NAV3: variants seen among roughly 807,000 people sequenced by gnomAD.
NAV3 encodes neuron navigator 3.
NAV3 carries 87 observed loss-of-function variants against 244.7 expected under a neutral mutation model. That is an observed-to-expected ratio of 0.36 (90% CI 0.30 to 0.42). The LOEUF is 0.42. Ranked by LOEUF, NAV3 falls within the 20% of genes least tolerant of loss-of-function variation. NAV3 has a pLI of 1.00. For synonymous variants in NAV3, 1,126 were observed against 1,042.2 expected (o/e 1.08, Z -1.55); for missense variants, 2,663 against 2,893.3 (o/e 0.92, Z 1.83).
At chr12:78,089,133 C>G (rs1490995457) in intron 12 of NAV3, among the ~76,000 whole-genome samples, 1 of 152,098 alleles carries the variant, frequency 6.6e-6, no homozygotes, top group African/African-American at 2.4e-5. Context: ...TAGTCAATCA[C>G]TTTACCATTT....
At position 77,968,651 on chromosome 12, in the gene NAV3, C is replaced by T. The variant is rs775001284; in HGVS notation, c.620C>T (p.Ser207Phe). 2.5e-5 allele frequency: 41 copies of T among 1,613,998 alleles called. No individual in the cohort carries two copies. Among genetic ancestry groups the T allele is most frequent in the Admixed American group, 1.3e-4 (8 of 60,006 alleles). The change falls in exon 5 of 40, where the codon TCC becomes TTC. Residue 207 changes from serine to phenylalanine, a missense_variant. Around this residue, in one of 6 missense-constraint regions of NAV3, gnomAD observed 1,521 missense variants for 1,497.0 expected, o/e 1.02. Transcript: ENST00000397909. ...VELQQRVTHA[S>F]PPSEASQAKT... ...CTTCAGCAGCGAGTTACTCACGCTT[C>T]CCCTCCATCGGAAGCCAGCCAGGCC...
rs953647910 is a variant in NAV3, at chr12:77,701,404, T to C, written c.72+129138T>C. ...GCAGTGTTTCTTCTTTTATTCCTGA[T>C]ACTTGTGATATGTATTTTCTCTTTC... On this transcript the variant is annotated intron_variant, in intron 2 of 8. Coordinates refer to the NAV3 transcript ENST00000550042. Among the ~76,000 whole-genome samples, 4 of 151,926 alleles carry C rather than the reference T, an allele frequency of 2.6e-5. No homozygotes were observed. In the East Asian group the frequency reaches 5.8e-4, roughly 22 times the overall value.
At chr12:78,059,814 C>T (rs1362694209) in intron 12 of NAV3, among the ~76,000 whole-genome samples, 1 of 151,524 alleles carries the variant, frequency 6.6e-6, no homozygotes, top group African/African-American at 2.4e-5. Flanking sequence ...CTCAGATTTA[C>T]CTGGAAGCTA....
intron 2 of NAV3, among the ~76,000 whole-genome samples, chr12:77,613,228 C>G (rs12312191): frequency 0.05 from 7,679 of 152,228 alleles, 660 homozygotes; most frequent in African/African-American, 0.17. Context: ...GAATTCTAAA[C>G]AGTACAATGA....
At chr12:78,101,692 T>C (rs574039807) in intron 12 of NAV3, among the ~76,000 whole-genome samples, 40 of 152,118 alleles carry the variant, frequency 2.6e-4, no homozygotes, top group Non-Finnish European at 5.3e-4. Context: ...AATACAGAAT[T>C]TACACTTCAG....
At chr12:78,049,001 C>A (rs948027623) in intron 9 of NAV3, among the ~76,000 whole-genome samples, 4 of 152,174 alleles carry the variant, frequency 2.6e-5, no homozygotes, top group Non-Finnish European at 4.4e-5. Context: ...AAATTCCCAG[C>A]GGGTTTGTTT....
intron 2 of NAV3, among the ~76,000 whole-genome samples, chr12:77,593,584 G>A (rs1870017388): frequency 6.7e-6 from 1 of 150,076 alleles, no homozygotes; most frequent in Admixed American, 6.6e-5. Context: ...CCAGTAGCTG[G>A]GATTACAGGT....
chr12:77,911,625 C>A (rs1038770015), intron 1 of NAV3, among the ~76,000 whole-genome samples: 3 of 151,958 alleles, frequency 2.0e-5, no homozygotes, highest in African/African-American at 4.8e-5. Flanking sequence ...CTTAAAAATA[C>A]CTACAGATGG....
chr12:77,907,506 G>A (rs1025865543), intron 1 of NAV3, among the ~76,000 whole-genome samples: 1 of 151,956 alleles, frequency 6.6e-6, no homozygotes, highest in Non-Finnish European at 1.5e-5. Context: ...TTAGTAACAG[G>A]TATCACTAGC....
At chr12:77,591,567 T>C (rs1240944316) in intron 2 of NAV3, among the ~76,000 whole-genome samples, 1 of 152,208 alleles carries the variant, frequency 6.6e-6, no homozygotes, top group Admixed American at 6.5e-5. Context: ...CCAATACAGA[T>C]AAATTGAGGA....
intron 30 of NAV3, among the ~76,000 whole-genome samples, chr12:78,183,557 C>T (rs886900751): frequency 4.6e-5 from 7 of 151,874 alleles, no homozygotes; most frequent in Non-Finnish European, 8.8e-5. Context: ...TTGGATGAAT[C>T]CAGGACCTGG....
At chr12:78,141,899 G>A (rs1433039883) in intron 20 of NAV3, among the ~76,000 whole-genome samples, 2 of 151,980 alleles carry the variant, frequency 1.3e-5, no homozygotes. Flanking sequence ...AAAAGATGTA[G>A]CATCATTATT....
chr12:77,625,562 A>C (rs1871581649), intron 2 of NAV3, among the ~76,000 whole-genome samples: 1 of 152,176 alleles, frequency 6.6e-6, no homozygotes, highest in South Asian at 2.1e-4. Flanking sequence ...CATCTGGCCC[A>C]CTGCCATTAC....
At chr12:78,058,388 C>T (rs765280361) in intron 11 of NAV3, among the ~76,000 whole-genome samples, 3 of 152,152 alleles carry the variant, frequency 2.0e-5, no homozygotes, top group Non-Finnish European at 4.4e-5. Flanking sequence ...GTCAGACTTA[C>T]TACCAGGAGA....
Position 78,205,096 on chromosome 12 carries a change from C to A in NAV3, c.6996C>A (p.Thr2332=), listed in dbSNP as rs781163841. 2 of 1,613,492 alleles carry A rather than the reference C, an allele frequency of 1.2e-6. No homozygotes were observed. Among genetic ancestry groups the A allele is most frequent in the South Asian group, 2.2e-5 (2 of 91,064 alleles). Residue 2332 remains threonine, a synonymous_variant, in exon 39 of 40, where the codon ACC becomes ACA. Coordinates refer to ENST00000397909, the MANE Select transcript of NAV3 (RefSeq NM_001024383.2). ...GCACATCCACTAAGGAAGCCACAACCTCAAAGCACATTCCGCAAACTGACA... is the reference window on the plus strand; with the variant it reads ...GCACATCCACTAAGGAAGCCACAACATCAAAGCACATTCCGCAAACTGACA... The part of the protein sequence containing the change: ...ESCTSTKEAT[T]SKHIPQTDTE...
At chr12:77,707,806 T>C (rs1485504333) in intron 2 of NAV3, among the ~76,000 whole-genome samples, 4 of 152,214 alleles carry the variant, frequency 2.6e-5, no homozygotes, top group Non-Finnish European at 4.4e-5. Context: ...ATTTCTCCGA[T>C]GGCCAGTGAA....
At chr12:77,757,525 A>G (rs939913707) in intron 2 of NAV3, among the ~76,000 whole-genome samples, 6 of 152,216 alleles carry the variant, frequency 3.9e-5, no homozygotes, top group Non-Finnish European at 8.8e-5. Context: ...AAACTTTAAT[A>G]TCAAGGGTTG....
chr12:77,905,648 G>T (rs946719065), intron 1 of NAV3, among the ~76,000 whole-genome samples: 19 of 151,794 alleles, frequency 1.3e-4, no homozygotes, highest in Admixed American at 1.2e-3. Flanking sequence ...TAAATTTAAT[G>T]CATTTCTTAC....
rs1273780884 is a variant in NAV3, at chr12:77,701,730, CT to C, written c.72+129467del. Among the ~76,000 whole-genome samples the C allele has an allele frequency of 2.0e-5, 3 of 152,060 alleles. No homozygotes were observed. In the East Asian group the frequency reaches 5.8e-4, roughly 29 times the overall value. On this transcript the variant is annotated intron_variant, in intron 2 of 8. Transcript: ENST00000550042. ...TTTCCAGTATCCATTGTAATTTCGTCTTTGACTCATAGGTTGTTTTAGTAGC... is the reference window on the plus strand; with the variant it reads ...TTTCCAGTATCCATTGTAATTTCGTCTTGACTCATAGGTTGTTTTAGTAGC...
Sources: allele counts gnomAD v4.1 joint callset (sites outside exome capture counted in the v4.1 genomes callset), GRCh38; gene constraint gnomAD v4.1.1; regional missense constraint gnomAD v4.1.1; transcripts MANE v1.5; gene names NCBI Gene and HGNC (gene_info 2026-07-23, HGNC 2026-07-21).